The following FHIT variants were observed in gnomAD, a reference collection of about 807,000 sequenced individuals.
The protein encoded by FHIT is fragile histidine triad diadenosine triphosphatase, also known as bis(5'-adenosyl)-triphosphatase.
FHIT carries 19 observed loss-of-function variants against 17.9 expected under a neutral mutation model. The ratio of observed to expected loss-of-function variants is 1.06; its 90% CI spans 0.74 to 1.56. The LOEUF (loss-of-function observed/expected upper bound fraction) is 1.56, where lower values mean the gene tolerates loss of function less well. Among genes scored for constraint, FHIT ranks in the 40% most tolerant of loss-of-function variants. The pLI is 0.00. For synonymous variants in FHIT, 81 were observed against 69.7 expected, an observed-to-expected ratio of 1.16 and a Z score of -0.81; for missense variants, 248 against 189.2, an observed-to-expected ratio of 1.31 and a Z score of -1.82.
At chr3:60,582,027 AC>A in intron 4 of FHIT, among the ~76,000 whole-genome samples, 1 of 152,184 alleles carries the variant, frequency 6.6e-6, no homozygotes, top group South Asian at 2.1e-4. Flanking sequence ...GTTTAAAAAA[AC>A]AAAAGTGTGC....
chr3:60,732,488 C>A (rs2042050043), intron 4 of FHIT: 1 of 692,368 alleles, frequency 1.4e-6, no homozygotes, highest in Non-Finnish European at 2.8e-6. Flanking sequence ...AAAGCAGGAA[C>A]CCTCACACCC....
At chr3:60,945,917 G>A (rs892276219) in intron 3 of FHIT, among the ~76,000 whole-genome samples, 17 of 152,148 alleles carry the variant, frequency 1.1e-4, no homozygotes, top group Admixed American at 9.2e-4. Context: ...CAGGATCACC[G>A]TGTAGAACAG....
intron 3 of FHIT, among the ~76,000 whole-genome samples, chr3:60,935,634 C>T (rs1168906422): frequency 1.3e-5 from 2 of 152,228 alleles, no homozygotes; most frequent in African/African-American, 4.8e-5. Flanking sequence ...GACAAGGGTG[C>T]ATCCGTCGAT....
chr3:60,230,229 T>C (rs1704426656), intron 5 of FHIT, among the ~76,000 whole-genome samples: 1 of 152,136 alleles, frequency 6.6e-6, no homozygotes, highest in African/African-American at 2.4e-5. Flanking sequence ...TAAAAGAGCA[T>C]GTCTTTCAAT....
At chr3:60,382,617 A>G (rs1268537843) in intron 5 of FHIT, among the ~76,000 whole-genome samples, 1 of 152,212 alleles carries the variant, frequency 6.6e-6, no homozygotes, top group Non-Finnish European at 1.5e-5. Context: ...CAAGTAAACA[A>G]CTATGCCACT....
intron 2 of FHIT, among the ~76,000 whole-genome samples, chr3:61,138,212 C>G (rs545561976): frequency 5.2e-4 from 79 of 152,338 alleles, no homozygotes; most frequent in African/African-American, 1.8e-3. Flanking sequence ...TAGTCCAAGA[C>G]CACACTTCTG....
intron 4 of FHIT, among the ~76,000 whole-genome samples, chr3:60,818,619 A>G (rs1220827366): frequency 6.6e-6 from 1 of 152,186 alleles, no homozygotes; most frequent in Non-Finnish European, 1.5e-5. Context: ...CTATCATGAA[A>G]TGTTCTCCTT....
intron 2 of FHIT, among the ~76,000 whole-genome samples, chr3:61,198,211 G>A (rs2038908493): frequency 6.6e-6 from 1 of 152,060 alleles, no homozygotes; most frequent in African/African-American, 2.4e-5. Context: ...TGGAGTCTCA[G>A]CCAATCCATG....
intron 5 of FHIT, among the ~76,000 whole-genome samples, chr3:60,366,251 A>T (rs779028404): frequency 6.6e-6 from 1 of 152,012 alleles, no homozygotes; most frequent in South Asian, 2.1e-4. Context: ...TCTCAGCTCA[A>T]TGCAACCTCT....
intron 5 of FHIT, among the ~76,000 whole-genome samples, chr3:60,231,020 T>A (rs921117976): frequency 1.3e-5 from 2 of 152,194 alleles, no homozygotes; most frequent in Non-Finnish European, 2.9e-5. Context: ...AATATTTCAA[T>A]AACCATTCTA....
chr3:59,794,060 T>C (rs1699677207), intron 8 of FHIT, among the ~76,000 whole-genome samples: 1 of 152,120 alleles, frequency 6.6e-6, no homozygotes, highest in African/African-American at 2.4e-5. Context: ...AGCCAGACAT[T>C]TGGGTTTTTT....
At chr3:60,189,580 G>C (rs1282786443) in intron 5 of FHIT, among the ~76,000 whole-genome samples, 3 of 152,072 alleles carry the variant, frequency 2.0e-5, no homozygotes, top group Non-Finnish European at 4.4e-5. Flanking sequence ...CCCTGCATTT[G>C]CTATATTTAT....
chr3:60,137,317 G>A (rs754795478), intron 5 of FHIT, among the ~76,000 whole-genome samples: 7 of 152,184 alleles, frequency 4.6e-5, no homozygotes, highest in Non-Finnish European at 1.0e-4. Context: ...AAGTGAAGGG[G>A]AGGCGGGGTG....
rs537445941 is a variant in FHIT, at chr3:60,477,068, G to T, written c.103+59792C>A. 1.6e-4 allele frequency among the ~76,000 whole-genome samples: 24 copies of T among 152,024 alleles called. 1 individual carries two copies. Among genetic ancestry groups the T allele is most frequent in the Admixed American group, 1.5e-3 (23 of 15,242 alleles). On this transcript the variant is annotated intron_variant, in intron 5 of 9. Coordinates refer to ENST00000492590, the MANE Select transcript of FHIT (RefSeq NM_002012.4). ...ATATAGTTCAGTACTTTTAAGCAAA[G>T]TATTATAATATCATATTCAAACAAT...
At chr3:60,424,607 A>G (rs941780147) in intron 5 of FHIT, among the ~76,000 whole-genome samples, 2 of 152,054 alleles carry the variant, frequency 1.3e-5, no homozygotes, top group Admixed American at 6.6e-5. Context: ...ACCCACACAC[A>G]CACAAACATG....
At chr3:60,375,634 A>G (rs1436063417) in intron 5 of FHIT, among the ~76,000 whole-genome samples, 1 of 152,190 alleles carries the variant, frequency 6.6e-6, no homozygotes, top group Non-Finnish European at 1.5e-5. Context: ...GTACACATAC[A>G]TAGAGGAGTA....
chr3:59,917,861 T>C (rs2107172328), intron 8 of FHIT, among the ~76,000 whole-genome samples: 1 of 152,346 alleles, frequency 6.6e-6, no homozygotes, highest in East Asian at 1.9e-4. Context: ...CCTACATCTG[T>C]ATTTGTTATA....
chr3:60,307,885 C>T (rs1708755448), intron 5 of FHIT, among the ~76,000 whole-genome samples: 1 of 152,078 alleles, frequency 6.6e-6, no homozygotes, highest in Admixed American at 6.5e-5. Context: ...GTTCGGCACA[C>T]ACGTGTACTG....
In FHIT at chr3:60,374,880, C is replaced by T. The variant is rs913954926; in HGVS notation, c.103+161980G>A. Among the ~76,000 whole-genome samples the T allele has an allele frequency of 2.0e-5, 3 of 151,916 alleles. No homozygotes were observed. The East Asian group carries it at 5.8e-4, about 29-fold the overall frequency. The stretch of plus-strand genomic sequence containing the variant: ...GAACCAGCCCTTGCAGTTTTCTTTG[C>T]TGCTCTACAGTCAGTTAACAGGATA... On this transcript the variant is annotated intron_variant, in intron 5 of 9. Coordinates refer to ENST00000492590, the MANE Select transcript of FHIT (RefSeq NM_002012.4).
Sources: allele counts gnomAD v4.1 joint callset (sites outside exome capture counted in the v4.1 genomes callset), GRCh38; gene constraint gnomAD v4.1.1; transcripts MANE v1.5; gene names NCBI Gene and HGNC (gene_info 2026-07-23, HGNC 2026-07-21).